Variants in SLC8A3 observed in about 807,000 individuals in gnomAD.
SLC8A3 encodes solute carrier family 8 member A3, also known as sodium/calcium exchanger 3.
In SLC8A3, 37 loss-of-function variants were observed where a neutral mutation model predicts 65.4. The ratio of observed to expected loss-of-function variants is 0.57; its 90% CI spans 0.44 to 0.74. The LOEUF (loss-of-function observed/expected upper bound fraction) is 0.74. SLC8A3 is among the 30% of genes least tolerant of loss of function. SLC8A3 has a pLI of 0.00. For synonymous variants in SLC8A3, 461 were observed against 444.5 expected, an observed-to-expected ratio of 1.04 and a Z score of -0.47; for missense variants, 1,112 against 1,172.1, an observed-to-expected ratio of 0.95 and a Z score of 0.75.
At chr14:70,070,489 C>T (rs1341754821) in intron 2 of SLC8A3, among the ~76,000 whole-genome samples, 3 of 152,196 alleles carry the variant, frequency 2.0e-5, no homozygotes, top group African/African-American at 7.2e-5. Context: ...AACAGTGTGG[C>T]TCTAAAGATT....
At chr14:70,114,842 C>A (rs147499736) in intron 2 of SLC8A3, among the ~76,000 whole-genome samples, 1 of 152,094 alleles carries the variant, frequency 6.6e-6, no homozygotes, top group Non-Finnish European at 1.5e-5. Context: ...CTCTCCTGAG[C>A]GGGTGTGTGG....
chr14:70,049,082 G>C (rs1026561730), intron 5 of SLC8A3, 40 bp from the exon 6 acceptor site: 2 of 1,561,364 alleles, frequency 1.3e-6, no homozygotes, highest in Non-Finnish European at 1.7e-6. Flanking sequence ...GGGTAACGAA[G>C]TCAGATAATC....
At chr14:70,128,702 C>A (rs2140215667) in intron 2 of SLC8A3, among the ~76,000 whole-genome samples, 1 of 152,230 alleles carries the variant, frequency 6.6e-6, no homozygotes, top group African/African-American at 2.4e-5. Flanking sequence ...GGTTTTTGAA[C>A]ATGTTTCCTC....
At chr14:70,081,607 TTGTC>T (rs1891057622) in intron 2 of SLC8A3, among the ~76,000 whole-genome samples, 1 of 152,156 alleles carries the variant, frequency 6.6e-6, no homozygotes, top group Admixed American at 6.5e-5. Context: ...GCCACAGCCA[TTGTC>T]TGACCTTGGT....
chr14:70,123,438 T>A (rs1023435944), intron 2 of SLC8A3, among the ~76,000 whole-genome samples: 2 of 146,392 alleles, frequency 1.4e-5, no homozygotes, highest in African/African-American at 4.9e-5. Context: ...TGGCTTTTTT[T>A]ATTTTCCTGT....
rs1897192381 is a variant in SLC8A3 at position 70,166,845 on chromosome 14, A to G, written c.1578T>C (p.Asp526=). The stretch of plus-strand genomic sequence containing the variant: ...CAAAAGTGAAGATGCCTGCATGGTC[A>G]TCATCCAAGATGGTAACTGTGGCCA... The part of the protein sequence containing the change: ...PCVATVTILD[D]DHAGIFTFEC... Residue 526 remains aspartate (D), a synonymous_variant, in exon 2 of 7, where the codon GAT becomes GAC. Coordinates refer to ENST00000356921, the MANE Select transcript of SLC8A3 (RefSeq NM_182932.3). The G allele has an allele frequency of 3.7e-6, 6 of 1,614,184 alleles. No individual in the cohort carries two copies. In the Admixed American group the frequency reaches 8.3e-5, roughly 22 times the overall value.
chr14:70,176,805 A>T (rs976052155), intron 1 of SLC8A3, among the ~76,000 whole-genome samples: 1 of 152,240 alleles, frequency 6.6e-6, no homozygotes, highest in Non-Finnish European at 1.5e-5. Flanking sequence ...CATGAAATAT[A>T]AAAAATCCAT....
intron 2 of SLC8A3, among the ~76,000 whole-genome samples, chr14:70,131,597 C>T (rs1894833004): frequency 6.6e-6 from 1 of 152,054 alleles, no homozygotes; most frequent in Non-Finnish European, 1.5e-5. Flanking sequence ...AGACATCAGC[C>T]CTAATAATGT....
intron 1 of SLC8A3, among the ~76,000 whole-genome samples, chr14:70,171,120 C>A (rs1219536937): frequency 2.0e-5 from 3 of 152,160 alleles, no homozygotes; most frequent in Non-Finnish European, 2.9e-5. Flanking sequence ...CAATGAGCCC[C>A]ATGCAGCGAT....
At chr14:70,138,131 G>A (rs1245030843) in intron 2 of SLC8A3, among the ~76,000 whole-genome samples, 1 of 152,186 alleles carries the variant, frequency 6.6e-6, no homozygotes, top group Non-Finnish European at 1.5e-5. Flanking sequence ...TTGGTCTTGA[G>A]TGGGTGGGTG....
intron 2 of SLC8A3, among the ~76,000 whole-genome samples, chr14:70,141,440 C>T (rs1192343886): frequency 6.6e-6 from 1 of 152,206 alleles, no homozygotes; most frequent in Non-Finnish European, 1.5e-5. Flanking sequence ...GGTTAGGTGA[C>T]TTGCTGAAGT....
rs118167113 is a variant in SLC8A3 at position 70,068,085 on chromosome 14, G to A, written c.1785-7146C>T. On this transcript the variant is annotated intron_variant, in intron 2 of 6. Coordinates refer to ENST00000356921, the MANE Select transcript of SLC8A3 (RefSeq NM_182932.3). ...ATCTTCTATCAAACAACCTGGAGAC[G>A]ATTAGGAAATACATGTCTGGGCTGC... Among the ~76,000 whole-genome samples the A allele has an allele frequency of 1.1e-3, 170 of 152,314 alleles. No individual in the cohort carries two copies. The East Asian group carries it at 0.02, about 18-fold the overall frequency.
chr14:70,114,408 A>G (rs1034449599), intron 2 of SLC8A3, among the ~76,000 whole-genome samples: 3 of 152,208 alleles, frequency 2.0e-5, no homozygotes, highest in African/African-American at 7.2e-5. Context: ...CAGCCTAGTC[A>G]TATTTTCACT....
intron 2 of SLC8A3, among the ~76,000 whole-genome samples, chr14:70,165,637 T>C (rs1475414464): frequency 2.0e-5 from 3 of 152,226 alleles, no homozygotes; most frequent in Non-Finnish European, 4.4e-5. Context: ...CTACAAATCC[T>C]GAGGAAAGTC....
At chr14:70,062,349 C>T (rs191610208) in intron 2 of SLC8A3, among the ~76,000 whole-genome samples, 12 of 152,252 alleles carry the variant, frequency 7.9e-5, no homozygotes, top group African/African-American at 2.4e-4. Flanking sequence ...TACATAAAAA[C>T]GTTTTGCTCA....
rs747580687 is a variant in SLC8A3, at chr14:70,046,159, C to G, written c.2554G>C (p.Ala852Pro). The G allele has an allele frequency of 6.2e-7, 1 of 1,614,206 alleles. No individual in the cohort carries two copies. The highest frequency in any genetic ancestry group is 1.1e-5 in the South Asian group (1 of 91,086). The part of the protein sequence containing the change: ...ALQGQEFHVS[A>P]GTLAFSVTLF... ...GTGACGGAGAAGGCCAGTGTGCCGG[C>G]CGACACGTGGAACTCCTGTCCCTGC... Residue 852 changes from alanine (A) to proline (P), a missense_variant, in exon 7 of 7, where the codon GCC (alanine) becomes CCC (proline). Physicochemically the swap from Ala to Pro is conservative, Grantham distance 27. Coordinates refer to ENST00000356921, the MANE Select transcript of SLC8A3 (RefSeq NM_182932.3). The surrounding 1 kb of genome is among the most constrained non-coding windows in gnomAD (Gnocchi z 4.2).
chr14:70,140,886 C>T (rs911311962), intron 2 of SLC8A3, among the ~76,000 whole-genome samples: 1 of 152,164 alleles, frequency 6.6e-6, no homozygotes, highest in Admixed American at 6.5e-5. Flanking sequence ...TTACTTCCCC[C>T]TAATTAGACT....
At position 70,165,758 on chromosome 14, in the gene SLC8A3, ATACCCACAGT is replaced by A. The variant is rs147883573; in HGVS notation, c.1784+871_1784+880del. ...GGGTAATAGAGGTGACAGAAGTGTA[ATACCCACAGT>A]TTCTGAAGGGCTGAATGGGGCAGTA... On this transcript the variant is annotated intron_variant, in intron 2 of 6. Coordinates refer to ENST00000356921, the MANE Select transcript of SLC8A3 (RefSeq NM_182932.3). Among the ~76,000 whole-genome samples the A allele has an allele frequency of 5.1e-3, 781 of 152,346 alleles. 9 individuals are homozygous for A. The highest frequency in any genetic ancestry group is 0.017 in the African/African-American group (710 of 41,580).
intron 2 of SLC8A3, among the ~76,000 whole-genome samples, chr14:70,150,123 T>C (rs1311531242): frequency 6.6e-6 from 1 of 152,190 alleles, no homozygotes; most frequent in East Asian, 1.9e-4. Context: ...CTGTGACATG[T>C]CCAGGATACT....
Sources: allele counts gnomAD v4.1 joint callset (sites outside exome capture counted in the v4.1 genomes callset), GRCh38; gene constraint gnomAD v4.1.1; non-coding constraint Gnocchi (gnomAD v3.1); transcripts MANE v1.5; gene names NCBI Gene and HGNC (gene_info 2026-07-23, HGNC 2026-07-21).